MYO5C: variants seen among roughly 807,000 people sequenced by gnomAD.
The protein encoded by MYO5C is unconventional myosin-Vc.
In MYO5C, 194 loss-of-function variants were observed where a neutral mutation model predicts 235.7. The ratio of observed to expected loss-of-function variants is 0.82; its 90% CI spans 0.73 to 0.93. The LOEUF (loss-of-function observed/expected upper bound fraction) is 0.93, where lower values mean the gene tolerates loss of function less well. MYO5C is among the 40% of genes least tolerant of loss of function. The probability of loss-of-function intolerance (pLI) is 0.00; values close to 1 mark genes in which losing one functional copy is unlikely to be tolerated. For synonymous variants in MYO5C, 707 were observed against 754.8 expected (o/e 0.94, Z 1.04); for missense variants, 2,038 against 2,127.2 (o/e 0.96, Z 0.82).
chr15:52,295,647 G>C lies in MYO5C; in HGVS notation c.-11C>G. 1 of 1,461,428 alleles carries C rather than the reference G, an allele frequency of 6.8e-7. No homozygotes were observed. Among genetic ancestry groups the C allele is most frequent in the Non-Finnish European group, 9.0e-7 (1 of 1,110,046 alleles). 90.5% of individuals were successfully genotyped at this position (1,461,428 alleles called of 1,614,324 possible). On this transcript the variant is annotated 5_prime_UTR_variant, in exon 1 of 41. Coordinates refer to ENST00000261839, the MANE Select transcript of MYO5C (RefSeq NM_018728.4). ...CTCGGCCACCGCCATGGGCAGGAGG[G>C]GCCGGGGCCAGGCCGGGGCTGCCGA...
intron 4 of MYO5C, chr15:52,277,917 C>A: frequency 8.8e-6 from 4 of 455,972 alleles, no homozygotes; most frequent in South Asian, 6.2e-5. Context: ...GAGTCCAGCT[C>A]ACAGACGAAG....
rs202108654 is a variant in MYO5C at position 52,248,695 on chromosome 15, C to T, written c.1746+5G>A. 49 of 1,611,072 alleles carry T rather than the reference C, an allele frequency of 3.0e-5. No homozygotes were observed. The East Asian group carries it at 9.1e-4, about 30-fold the overall frequency. ...AACTTTAGTTACCCCTAGGACTTTA[C>T]AGACCTTGCTTGCTCTCAGGATTTC... On this transcript the variant is annotated splice_donor_5th_base_variant and intron_variant, in intron 14 of 40. Transcript: ENST00000261839.
intron 8 of MYO5C, among the ~76,000 whole-genome samples, chr15:52,268,365 C>T (rs180760798): frequency 6.6e-6 from 1 of 152,210 alleles, no homozygotes; most frequent in Non-Finnish European, 1.5e-5. Flanking sequence ...GAGATTGAGA[C>T]CATCTTGGCC....
intron 11 of MYO5C, among the ~76,000 whole-genome samples, chr15:52,254,514 G>A (rs567605045): frequency 6.6e-6 from 1 of 152,240 alleles, no homozygotes; most frequent in South Asian, 2.1e-4. Context: ...TCAGGTGCAA[G>A]GCCCAGTGGC....
intron 13 of MYO5C, among the ~76,000 whole-genome samples, chr15:52,249,645 T>G (rs11636941): frequency 0.16 from 24,066 of 152,056 alleles, 2,661 homozygotes; most frequent in Non-Finnish European, 0.23. Flanking sequence ...TCTTTGTGAA[T>G]GAAGTACCTG....
chr15:52,208,513 G>T, intron 36 of MYO5C, 41 bp downstream of exon 36: 1 of 1,580,794 alleles, frequency 6.3e-7, no homozygotes, highest in South Asian at 1.1e-5. Flanking sequence ...GTTATAGACT[G>T]GCTGTCAGCA....
At chr15:52,291,738 T>TTTGTTTTGTTTTG (rs1555422082) in intron 1 of MYO5C, among the ~76,000 whole-genome samples, 4 of 80,236 alleles carry the variant, frequency 5.0e-5, no homozygotes, top group African/African-American at 1.7e-4. Context: ...TATGTTTTTT[T>TTTGTTTTGTTTTG]TTTTTTTTTT....
chr15:52,264,868 T>C (rs1435478798), intron 8 of MYO5C, among the ~76,000 whole-genome samples: 4 of 152,174 alleles, frequency 2.6e-5, no homozygotes, highest in African/African-American at 9.7e-5. Context: ...CCCCCTTCCC[T>C]GCAAAGCTGC....
At position 52,278,971 on chromosome 15, in the gene MYO5C, G is replaced by T; in HGVS notation, c.351C>A (p.Tyr117Ter). 2 of 1,613,970 alleles carry T rather than the reference G, an allele frequency of 1.2e-6. No homozygotes were observed. ...AMNPYKQLPIYGDAIIHAYSG... is the reference protein window; with the variant it reads ...AMNPYKQLPI ...TGTAGGCGTGGATGATGGCATCTCCGTATATTGGCAACTGCTTGTAAGGAT... is the reference window on the plus strand; with the variant it reads ...TGTAGGCGTGGATGATGGCATCTCCTTATATTGGCAACTGCTTGTAAGGAT... The change falls in exon 4 of 41, where the codon TAC becomes TAA. Residue 117 changes from tyrosine (Y) to a stop codon, truncating the protein, a stop_gained. Transcript: ENST00000261839. LOFTEE classifies it high-confidence loss of function.
intron 32 of MYO5C, among the ~76,000 whole-genome samples, chr15:52,216,844 T>C (rs1000628016): frequency 3.3e-5 from 5 of 152,102 alleles, no homozygotes; most frequent in African/African-American, 1.2e-4. Flanking sequence ...CAGGTGTCCT[T>C]ATAACAGATG....
At position 52,278,529 on chromosome 15, in the gene MYO5C, T is replaced by C. The variant is rs568965905; in HGVS notation, c.449+344A>G. 1.1e-4 allele frequency among the ~76,000 whole-genome samples: 17 copies of C among 149,888 alleles called. No individual in the cohort carries two copies. The East Asian group carries it at 3.8e-3, about 34-fold the overall frequency. ...AACCCTGTCATCAGATCCTACTTCC[T>C]GCAATGGGTAAAAAAAAAAAAAGCT... On this transcript the variant is annotated intron_variant, in intron 4 of 40. Coordinates refer to ENST00000261839, the MANE Select transcript of MYO5C (RefSeq NM_018728.4).
At chr15:52,239,599 A>T in intron 21 of MYO5C, 134 bp downstream of exon 21, 1 of 853,358 alleles carries the variant, frequency 1.2e-6, no homozygotes, top group Non-Finnish European at 1.8e-6. Flanking sequence ...TCTGTTTCCT[A>T]GCTCAGGTGG....
chr15:52,258,716 T>TGGAG (rs2036630857), intron 10 of MYO5C, among the ~76,000 whole-genome samples: 1 of 152,234 alleles, frequency 6.6e-6, no homozygotes, highest in South Asian at 2.1e-4. Flanking sequence ...CTGATTTTTT[T>TGGAG]GGAGGCGTAT....
chr15:52,226,418 C>G (rs540639868), intron 25 of MYO5C, among the ~76,000 whole-genome samples: 1 of 152,326 alleles, frequency 6.6e-6, no homozygotes, highest in East Asian at 1.9e-4. Context: ...CAGGTCTGTG[C>G]TTTTGCTTTG....
intron 38 of MYO5C, among the ~76,000 whole-genome samples, chr15:52,198,313 C>T (rs568445071): frequency 3.0e-4 from 45 of 152,234 alleles, no homozygotes; most frequent in Non-Finnish European, 4.9e-4. Flanking sequence ...TCAGCCTGGG[C>T]GACAAGAGTG....
intron 33 of MYO5C, among the ~76,000 whole-genome samples, chr15:52,214,167 G>A (rs747229317): frequency 5.9e-5 from 9 of 152,170 alleles, no homozygotes; most frequent in Admixed American, 2.6e-4. Context: ...AGAGGCTCAC[G>A]AGGATGCTTT....
intron 11 of MYO5C, among the ~76,000 whole-genome samples, chr15:52,254,603 C>T (rs1180952036): frequency 1.3e-5 from 2 of 149,068 alleles, no homozygotes; most frequent in African/African-American, 4.9e-5. Flanking sequence ...ACTACCCCTC[C>T]TGGGAGGATC....
chr15:52,240,815 G>T (rs938237778), intron 20 of MYO5C, among the ~76,000 whole-genome samples: 1 of 152,102 alleles, frequency 6.6e-6, no homozygotes, highest in African/African-American at 2.4e-5. Context: ...TACTGTTCAG[G>T]TTTTCAGCTT....
At chr15:52,204,422 A>G (rs890329245) in intron 38 of MYO5C, among the ~76,000 whole-genome samples, 1 of 151,828 alleles carries the variant, frequency 6.6e-6, no homozygotes, top group African/African-American at 2.4e-5. Flanking sequence ...TCTCTGATAC[A>G]TTTCCTGCAC....
Sources: gnomAD v4.1 joint callset for allele counts (sites outside exome capture counted in the v4.1 genomes callset) on GRCh38, gnomAD v4.1.1 for gene constraint, MANE v1.5 for transcripts, NCBI Gene and HGNC (gene_info 2026-07-23, HGNC 2026-07-21) for gene names.